The following OVCH1 variants were observed in gnomAD, a reference collection of about 807,000 sequenced individuals.
OVCH1 encodes ovochymase 1.
Under a neutral mutation model 138.4 loss-of-function variants are expected in OVCH1, and 139 were observed. The observed-to-expected ratio is 1.00, with a 90% CI of 0.87 to 1.16. The LOEUF (loss-of-function observed/expected upper bound fraction) is 1.16. Ranked by LOEUF, OVCH1 falls within the 50% of genes most tolerant of loss-of-function variation. The probability of loss-of-function intolerance (pLI) is 0.00; values close to 1 mark genes in which losing one functional copy is unlikely to be tolerated. For missense variants in OVCH1, 1,367 were observed against 1,357.9 expected (o/e 1.01, Z -0.11); for synonymous variants, 453 against 467.8 (o/e 0.97, Z 0.41).
At chr12:29,418,736 T>C (rs1592023170) in intron 3 of OVCH1, among the ~76,000 whole-genome samples, 2 of 152,362 alleles carry the variant, frequency 1.3e-5, no homozygotes, top group East Asian at 3.9e-4. Context: ...AGGTAACTTC[T>C]TTCTGTTACC....
chr12:29,413,958 C>T (rs1340495463), intron 3 of OVCH1, among the ~76,000 whole-genome samples: 4 of 151,772 alleles, frequency 2.6e-5, no homozygotes, highest in East Asian at 1.9e-4. Context: ...TGAGCTAAAC[C>T]GTTTTCCCTC....
chr12:29,444,293 G>T lies in OVCH1; in HGVS notation c.2882-13C>A. On this transcript the variant is annotated splice_polypyrimidine_tract_variant and intron_variant, in intron 23 of 27. Coordinates refer to ENST00000318184, the Ensembl canonical transcript of OVCH1. Reference sequence around the variant, plus strand: ...CTGTCCTTTGGACCTAAAAGAACAGGAAGCAGAGAAAATGAGAATAAAACC... The same window carrying T: ...CTGTCCTTTGGACCTAAAAGAACAGTAAGCAGAGAAAATGAGAATAAAACC... 1 of 1,608,322 alleles carries T rather than the reference G, an allele frequency of 6.2e-7. No individual in the cohort carries two copies. Among genetic ancestry groups the T allele is most frequent in the Non-Finnish European group, 8.5e-7 (1 of 1,177,210 alleles).
intron 5 of OVCH1, 35 bp downstream of exon 5, chr12:29,491,062 T>C: frequency 6.5e-7 from 1 of 1,535,644 alleles, no homozygotes; most frequent in Non-Finnish European, 9.0e-7. Context: ...TACAGAGAGC[T>C]GGAAGAAGTA....
At chr12:29,470,274 G>T (rs1942458098) in intron 16 of OVCH1, among the ~76,000 whole-genome samples, 1 of 152,098 alleles carries the variant, frequency 6.6e-6, no homozygotes, top group African/African-American at 2.4e-5. Context: ...CTGCAGGTTT[G>T]TTATATAGGT....
chr12:29,490,359 C>A (rs749115383), intron 5 of OVCH1, among the ~76,000 whole-genome samples: 1 of 152,106 alleles, frequency 6.6e-6, no homozygotes, highest in Non-Finnish European at 1.5e-5. Flanking sequence ...AGATTACAGG[C>A]GTGAGCCACT....
the OVCH1 span, among the ~76,000 whole-genome samples, chr12:29,402,458 AAGAG>A: frequency 2.0e-5 from 3 of 152,140 alleles, no homozygotes; most frequent in East Asian, 3.9e-4. Flanking sequence ...TTGAGAGAAA[AAGAG>A]AGGAGTTGGG....
intron 3 of OVCH1, among the ~76,000 whole-genome samples, chr12:29,421,576 T>C (rs1442209758): frequency 2.6e-5 from 4 of 152,200 alleles, no homozygotes; most frequent in Admixed American, 6.5e-5. Context: ...GTTCTTTCTG[T>C]GGCATTATTT....
chr12:29,444,073 A>AC, intron 24 of OVCH1, 72 bp downstream of exon 24: 1 of 1,470,996 alleles, frequency 6.8e-7, no homozygotes, highest in Non-Finnish European at 9.1e-7. Flanking sequence ...TTAAGCAAGT[A>AC]CCAAGTGTTG....
chr12:29,462,037 G>A (rs759842713), intron 18 of OVCH1, 29 bp from the exon 19 acceptor site: 11 of 1,601,010 alleles, frequency 6.9e-6, no homozygotes, highest in African/African-American at 2.7e-5. Flanking sequence ...GAGAGAGCTC[G>A]ATGATGAAGT....
exon 14 of OVCH1, chr12:29,475,095 T>A: frequency 6.3e-7 from 1 of 1,580,904 alleles, no homozygotes; most frequent in Non-Finnish European, 8.6e-7. Context: ...CCTTGAAGCC[T>A]TGTAAACGAT....
At chr12:29,490,499 T>C (rs892923088) in intron 5 of OVCH1, among the ~76,000 whole-genome samples, 1 of 152,210 alleles carries the variant, frequency 6.6e-6, no homozygotes, top group South Asian at 2.1e-4. Context: ...TATGTATACA[T>C]TGCAAAATGA....
intron 4 of OVCH1, among the ~76,000 whole-genome samples, chr12:29,494,606 G>C (rs1343573103): frequency 2.0e-5 from 3 of 152,094 alleles, no homozygotes; most frequent in African/African-American, 7.2e-5. Context: ...AGAAAATGTA[G>C]TATATATACA....
chr12:29,432,527 G>C (rs757345204), intron 27 of OVCH1, among the ~76,000 whole-genome samples: 1 of 152,060 alleles, frequency 6.6e-6, no homozygotes, highest in Non-Finnish European at 1.5e-5. Context: ...GGAAATCAAG[G>C]GTTCAATTTT....
At chr12:29,492,740 G>A (rs1326605017) in intron 4 of OVCH1, among the ~76,000 whole-genome samples, 16 of 152,120 alleles carry the variant, frequency 1.1e-4, no homozygotes, top group Non-Finnish European at 5.9e-5. Context: ...GATCCTGGAT[G>A]AGGTCACAAA....
At position 29,473,047 on chromosome 12, in the gene OVCH1, C is replaced by T. The variant is rs764072931; in HGVS notation, c.1657G>A (p.Val553Ile). The stretch of plus-strand genomic sequence containing the variant: ...AACTCACCATGCAGAATAGCTTTTA[C>T]GGTAGATACAGGATTGTTTTGGGGA... The change falls in exon 15 of 28, where the codon GTA becomes ATA. Residue 553 changes from valine (V) to isoleucine (I), a missense_variant. Val to Ile is a conservative substitution (Grantham distance 29). Transcript: ENST00000318184. 2.2e-5 allele frequency: 36 copies of T among 1,610,466 alleles called. No homozygotes were observed. The highest frequency in any genetic ancestry group is 8.4e-5 in the Admixed American group (5 of 59,742).
chr12:29,489,808 C>G, intron 5 of OVCH1, 37 bp from the exon 6 acceptor site: 3 of 1,582,526 alleles, frequency 1.9e-6, no homozygotes, highest in African/African-American at 1.3e-5. Context: ...CACACAATAT[C>G]CTCATGGAAA....
intron 25 of OVCH1, among the ~76,000 whole-genome samples, chr12:29,442,025 G>T (rs565553989): frequency 2.0e-5 from 3 of 151,266 alleles, no homozygotes; most frequent in African/African-American, 7.3e-5. Flanking sequence ...CTGTTGGTGG[G>T]ACTGTAAACT....
At chr12:29,417,141 G>T (rs1941040038) in intron 3 of OVCH1, among the ~76,000 whole-genome samples, 1 of 152,124 alleles carries the variant, frequency 6.6e-6, no homozygotes, top group Non-Finnish European at 1.5e-5. Context: ...TAGAAATAGA[G>T]AATAGATTAG....
Position 29,439,326 on chromosome 12 carries a change from A to G in OVCH1, c.3264+2T>C. The G allele has an allele frequency of 6.6e-7, 1 of 1,507,554 alleles. No homozygotes were observed. The highest frequency in any genetic ancestry group is 1.4e-5 in the South Asian group (1 of 72,404). The allele number at this position is 1,507,554 out of a possible 1,614,324, so 93.4% of individuals were successfully genotyped here. A position where few individuals can be genotyped will look rare whatever the true frequency, so the allele number is the denominator to read the frequency against. ...TTCTAATCACCTCTTTGAGTTACTC[A>G]CCACTGAATTTTCCCATATATGCAT... On this transcript the variant is annotated splice_donor_variant, in intron 26 of 27. Coordinates refer to ENST00000318184, the Ensembl canonical transcript of OVCH1. LOFTEE classifies it high-confidence loss of function.
Sources: gnomAD v4.1 joint callset for allele counts (sites outside exome capture counted in the v4.1 genomes callset) on GRCh38, gnomAD v4.1.1 for gene constraint, MANE v1.5 for transcripts, NCBI Gene and HGNC (gene_info 2026-07-23, HGNC 2026-07-21) for gene names.